The following CNTN5 variants were observed in gnomAD, a reference collection of about 807,000 sequenced individuals.
CNTN5 encodes contactin-5.
A neutral mutation model predicts 129.1 loss-of-function variants in CNTN5; 77 were observed. The ratio of observed to expected loss-of-function variants is 0.60; its 90% CI spans 0.50 to 0.72. The LOEUF is 0.72. Among genes scored for constraint, CNTN5 ranks in the 30% least tolerant of loss-of-function variants. CNTN5 has a pLI of 0.00. For synonymous variants in CNTN5, 509 were observed against 465.6 expected (o/e 1.09, Z -1.20); for missense variants, 1,478 against 1,328.8 (o/e 1.11, Z -1.75).
chr11:99,271,883 C>T (rs973845518), intron 1 of CNTN5, among the ~76,000 whole-genome samples: 2 of 151,846 alleles, frequency 1.3e-5, no homozygotes, highest in Admixed American at 1.3e-4. Flanking sequence ...GTTTTACGAC[C>T]TACCTTCGGA....
intron 1 of CNTN5, among the ~76,000 whole-genome samples, chr11:99,237,954 T>C (rs761517291): frequency 3.3e-5 from 5 of 152,192 alleles, no homozygotes; most frequent in African/African-American, 7.2e-5. Context: ...GTATTGTTCC[T>C]GGTGCATTTT....
At chr11:99,654,441 A>G (rs1197670411) in intron 3 of CNTN5, among the ~76,000 whole-genome samples, 1 of 152,046 alleles carries the variant, frequency 6.6e-6, no homozygotes, top group African/African-American at 2.4e-5. Flanking sequence ...GGAGGTTCTG[A>G]TAATGCAAAA....
At chr11:99,141,906 A>G (rs1287612708) in intron 1 of CNTN5, among the ~76,000 whole-genome samples, 1 of 152,170 alleles carries the variant, frequency 6.6e-6, no homozygotes. Flanking sequence ...GAATTGCTTT[A>G]CGTGGCCAAT....
intron 13 of CNTN5, among the ~76,000 whole-genome samples, chr11:100,082,454 A>T (rs879820502): frequency 3.9e-5 from 6 of 151,968 alleles, no homozygotes; most frequent in Non-Finnish European, 7.4e-5. Flanking sequence ...TGCCTGGAAA[A>T]TTTTTTTAAT....
chr11:100,064,983 G>A (rs566961493), intron 10 of CNTN5, among the ~76,000 whole-genome samples: 52 of 152,184 alleles, frequency 3.4e-4, no homozygotes, highest in African/African-American at 1.2e-3. Flanking sequence ...GTTTAAATGT[G>A]TATCATGTGC....
intron 2 of CNTN5, among the ~76,000 whole-genome samples, chr11:99,329,583 T>A (rs1865920133): frequency 6.6e-6 from 1 of 152,130 alleles, no homozygotes; most frequent in Non-Finnish European, 1.5e-5. Context: ...GAAATTCAGT[T>A]CATCTCTCTG....
intron 3 of CNTN5, among the ~76,000 whole-genome samples, chr11:99,781,287 C>T (rs1438457456): frequency 1.3e-5 from 2 of 151,992 alleles, no homozygotes; most frequent in Non-Finnish European, 2.9e-5. Flanking sequence ...AGGTATTGCT[C>T]AACTCAACAG....
intron 2 of CNTN5, among the ~76,000 whole-genome samples, chr11:99,365,597 G>A (rs760565453): frequency 5.3e-5 from 8 of 152,026 alleles, no homozygotes; most frequent in Non-Finnish European, 8.8e-5. Flanking sequence ...TGCTCTCTTG[G>A]TATAAGAAAT....
chr11:99,438,228 T>C (rs1370122467), intron 2 of CNTN5, among the ~76,000 whole-genome samples: 1 of 152,212 alleles, frequency 6.6e-6, no homozygotes, highest in Non-Finnish European at 1.5e-5. Context: ...AATCATAATT[T>C]ATTTACATGC....
intron 1 of CNTN5, among the ~76,000 whole-genome samples, chr11:99,284,949 C>T (rs1262989874): frequency 6.6e-6 from 1 of 151,924 alleles, no homozygotes; most frequent in Non-Finnish European, 1.5e-5. Flanking sequence ...ATAAATTCAT[C>T]GTTAAAAATA....
intron 1 of CNTN5, among the ~76,000 whole-genome samples, chr11:99,107,038 T>C (rs76422021): frequency 0.015 from 2,360 of 152,272 alleles, 66 homozygotes; most frequent in African/African-American, 0.053. Context: ...TGAAGGTACC[T>C]ATCCAAAATG....
At chr11:99,152,538 T>G (rs1860116764) in intron 1 of CNTN5, among the ~76,000 whole-genome samples, 1 of 152,236 alleles carries the variant, frequency 6.6e-6, no homozygotes, top group African/African-American at 2.4e-5. Flanking sequence ...ATGGGTGTCA[T>G]TGCATGTGAG....
chr11:100,267,022 A>C (rs1950317408), intron 17 of CNTN5, among the ~76,000 whole-genome samples: 1 of 152,084 alleles, frequency 6.6e-6, no homozygotes, highest in African/African-American at 2.4e-5. Flanking sequence ...ATAATAAGAA[A>C]GTAAATTATA....
At chr11:99,299,569 T>C (rs532179332) in intron 1 of CNTN5, among the ~76,000 whole-genome samples, 1 of 152,302 alleles carries the variant, frequency 6.6e-6, no homozygotes, top group Non-Finnish European at 1.5e-5. Context: ...TGGAATGGTC[T>C]CCAATGTCAC....
intron 15 of CNTN5, among the ~76,000 whole-genome samples, chr11:100,217,235 A>T (rs1327294743): frequency 1.5e-5 from 2 of 135,224 alleles, no homozygotes; most frequent in East Asian, 4.4e-4. Flanking sequence ...TATGATAAAA[A>T]GATAGCATAT....
At chr11:99,930,654 A>G (rs1217853008) in intron 7 of CNTN5, among the ~76,000 whole-genome samples, 1 of 152,204 alleles carries the variant, frequency 6.6e-6, no homozygotes, top group Non-Finnish European at 1.5e-5. Flanking sequence ...ACTTGTTAAC[A>G]TGTTTGTTAT....
intron 9 of CNTN5, among the ~76,000 whole-genome samples, chr11:100,014,466 A>G (rs1464491589): frequency 6.6e-6 from 1 of 152,130 alleles, no homozygotes; most frequent in Non-Finnish European, 1.5e-5. Context: ...TTGTTGTCCC[A>G]GCTACTCAGG....
chr11:99,943,845 G>T (rs1233535764), intron 7 of CNTN5, among the ~76,000 whole-genome samples: 1 of 152,060 alleles, frequency 6.6e-6, no homozygotes, highest in African/African-American at 2.4e-5. Context: ...GCTGGTTGTA[G>T]ATGTGTGGTG....
chr11:99,792,567 G>GTT (rs1565538271), intron 3 of CNTN5, among the ~76,000 whole-genome samples: 44 of 130,076 alleles, frequency 3.4e-4, no homozygotes, highest in Middle Eastern at 3.7e-3. Context: ...GTGTGTGTGT[G>GTT]TGTGTGTGTC....
Sources: allele counts gnomAD v4.1 joint callset (sites outside exome capture counted in the v4.1 genomes callset), GRCh38; gene constraint gnomAD v4.1.1; transcripts MANE v1.5; gene names NCBI Gene and HGNC (gene_info 2026-07-23, HGNC 2026-07-21).